The following SDK1 variants were observed in gnomAD, a reference collection of about 807,000 sequenced individuals.
SDK1 encodes the protein sidekick cell adhesion molecule 1, also known as protein sidekick-1.
SDK1 carries 157 observed loss-of-function variants against 245.5 expected under a neutral mutation model. The ratio of observed to expected loss-of-function variants is 0.64; its 90% CI spans 0.56 to 0.73. The LOEUF (loss-of-function observed/expected upper bound fraction) is 0.73, where lower values mean the gene tolerates loss of function less well. SDK1 is among the 30% of genes least tolerant of loss of function. The probability of loss-of-function intolerance (pLI) is 0.00; values close to 1 mark genes in which losing one functional copy is unlikely to be tolerated. For synonymous variants in SDK1, 1,647 were observed against 1,278.5 expected (o/e 1.29, Z -6.15); for missense variants, 3,583 against 3,002.3 (o/e 1.19, Z -4.52).
chr7:4,031,219 A>C (rs1222162415), intron 17 of SDK1, among the ~76,000 whole-genome samples: 1 of 152,194 alleles, frequency 6.6e-6, no homozygotes. Flanking sequence ...TCACACATAC[A>C]CATATGCATG....
intron 1 of SDK1, among the ~76,000 whole-genome samples, chr7:3,437,098 G>A (rs1780051034): frequency 6.6e-6 from 1 of 152,104 alleles, no homozygotes; most frequent in South Asian, 2.1e-4. Flanking sequence ...GACACTAAAA[G>A]ACGATTAATA....
chr7:4,056,419 A>C (rs1234228034), intron 19 of SDK1, among the ~76,000 whole-genome samples: 1 of 152,160 alleles, frequency 6.6e-6, no homozygotes, highest in Non-Finnish European at 1.5e-5. Context: ...GCAAGTAGGT[A>C]ACCACACTTC....
intron 28 of SDK1, among the ~76,000 whole-genome samples, chr7:4,142,890 G>A (rs1779670922): frequency 6.6e-6 from 1 of 152,224 alleles, no homozygotes; most frequent in South Asian, 2.1e-4. Flanking sequence ...AGGTCTCCAA[G>A]ATGAACATCG....
chr7:4,146,212 C>A (rs1475340820), intron 29 of SDK1, among the ~76,000 whole-genome samples: 2 of 151,062 alleles, frequency 1.3e-5, no homozygotes, highest in African/African-American at 4.9e-5. Context: ...GCATTCACAC[C>A]TTCTGCCTCA....
At chr7:4,237,035 T>C (rs1043498767) in intron 41 of SDK1, among the ~76,000 whole-genome samples, 6 of 151,796 alleles carry the variant, frequency 4.0e-5, no homozygotes, top group African/African-American at 1.5e-4. Context: ...GCCTCCTGAG[T>C]AGCTGGGACT....
chr7:4,192,349 C>G (rs1584410350), intron 35 of SDK1, among the ~76,000 whole-genome samples: 2 of 152,332 alleles, frequency 1.3e-5, no homozygotes, highest in South Asian at 2.1e-4. Flanking sequence ...TATCTTGGCT[C>G]ACTGCAAGCT....
chr7:3,959,096 A>G, intron 8 of SDK1, 82 bp downstream of exon 8: 1 of 1,059,100 alleles, frequency 9.4e-7, no homozygotes, highest in Non-Finnish European at 1.5e-6. Context: ...AATTGCCATC[A>G]TTCTAGGGAG....
chr7:4,202,475 T>C (rs1453774932), intron 35 of SDK1, among the ~76,000 whole-genome samples: 1 of 152,196 alleles, frequency 6.6e-6, no homozygotes, highest in Non-Finnish European at 1.5e-5. Context: ...TTCCAGGCCA[T>C]GTGACTCTCC....
rs180978923 is a variant in SDK1, at chr7:3,998,719, T to A, written c.2131+11397T>A. On this transcript the variant is annotated intron_variant, in intron 14 of 44. Coordinates refer to ENST00000404826, the MANE Select transcript of SDK1 (RefSeq NM_152744.4). ...CTGTTTTCTATGAATTAGGAGTTAATCCCATATCTTCATGTTTTCTAACAA... is the reference window on the plus strand; with the variant it reads ...CTGTTTTCTATGAATTAGGAGTTAAACCCATATCTTCATGTTTTCTAACAA... Among the ~76,000 whole-genome samples, 614 of 152,322 alleles carry A rather than the reference T, an allele frequency of 4.0e-3. 13 individuals are homozygous for A. The highest frequency in any genetic ancestry group is 0.037 in the Admixed American group (560 of 15,304).
chr7:3,736,316 CAG>C (rs1415533863), intron 4 of SDK1, among the ~76,000 whole-genome samples: 1 of 152,114 alleles, frequency 6.6e-6, no homozygotes, highest in Non-Finnish European at 1.5e-5. Context: ...TTTTGTGAGA[CAG>C]AGTCTTGCTC....
chr7:4,174,671 G>A (rs528992284), intron 33 of SDK1, among the ~76,000 whole-genome samples: 1 of 152,280 alleles, frequency 6.6e-6, no homozygotes, highest in African/African-American at 2.4e-5. Context: ...GACCTGAGAT[G>A]GAGGCAGGGG....
Position 4,114,953 on chromosome 7 carries a change from A to G in SDK1, c.3823+679A>G, listed in dbSNP as rs75460237. Reference sequence around the variant, plus strand: ...GGGCTCTGCCAGTTGCCAGGAAGCAATGGAGCAGTGTTTTTGGCCAACCTT... The same window carrying G: ...GGGCTCTGCCAGTTGCCAGGAAGCAGTGGAGCAGTGTTTTTGGCCAACCTT... On this transcript the variant is annotated intron_variant, in intron 25 of 44. Transcript: ENST00000404826. 5.2e-3 allele frequency among the ~76,000 whole-genome samples: 795 copies of G among 152,290 alleles called. 7 individuals are homozygous for G. Among genetic ancestry groups the G allele is most frequent in the African/African-American group, 0.017 (694 of 41,570 alleles).
At chr7:3,370,897 C>T (rs1178583816) in intron 1 of SDK1, among the ~76,000 whole-genome samples, 1 of 152,168 alleles carries the variant, frequency 6.6e-6, no homozygotes, top group African/African-American at 2.4e-5. Context: ...CCTCCTCTGT[C>T]TCCACTAGCT....
chr7:4,235,067 G>T (rs1188871673), intron 41 of SDK1, among the ~76,000 whole-genome samples: 1 of 152,196 alleles, frequency 6.6e-6, no homozygotes, highest in African/African-American at 2.4e-5. Flanking sequence ...GTCTGTGGGT[G>T]AGCGTGGGCC....
chr7:4,051,937 G>A lies in SDK1; in HGVS notation c.2911+107G>A, dbSNP rs184988705. The A allele has an allele frequency of 1.1e-3, 1,137 of 1,029,914 alleles. 1 individual carries two copies. The highest frequency in any genetic ancestry group is 2.2e-3 in the Middle Eastern group (8 of 3,660). The allele number at this position is 1,029,914 out of a possible 1,614,324, so 63.8% of individuals were successfully genotyped here. A position where few individuals can be genotyped will look rare whatever the true frequency, so the allele number is the denominator to read the frequency against. ...CAGAGGTGGATCACGAGGAGGCCCCGGATTTTTGGAGTGCTTGCAGTCAGC... is the reference window on the plus strand; with the variant it reads ...CAGAGGTGGATCACGAGGAGGCCCCAGATTTTTGGAGTGCTTGCAGTCAGC... On this transcript the variant is annotated intron_variant, in intron 19 of 44. Coordinates refer to ENST00000404826, the MANE Select transcript of SDK1 (RefSeq NM_152744.4).
At chr7:3,672,759 T>TTATATATATATATATA (rs60760676) in intron 4 of SDK1, among the ~76,000 whole-genome samples, 26 of 50,726 alleles carry the variant, frequency 5.1e-4, no homozygotes, top group African/African-American at 1.2e-3. Context: ...ATATATAATT[T>TTATATATATATATATA]TATATATATA....
intron 1 of SDK1, among the ~76,000 whole-genome samples, chr7:3,392,106 A>C (rs959478799): frequency 6.6e-6 from 1 of 152,024 alleles, no homozygotes; most frequent in South Asian, 2.1e-4. Flanking sequence ...GATGCCCATC[A>C]TGTCCACATT....
At chr7:3,658,832 G>C (rs574270856) in intron 4 of SDK1, among the ~76,000 whole-genome samples, 8 of 152,186 alleles carry the variant, frequency 5.3e-5, no homozygotes, top group African/African-American at 1.9e-4. Flanking sequence ...TGGCCAGGCT[G>C]GTCTCAAATT....
intron 20 of SDK1, among the ~76,000 whole-genome samples, chr7:4,074,916 A>ATTTTTTTTTTTTT (rs55899344): frequency 3.1e-5 from 2 of 64,600 alleles, no homozygotes; most frequent in Non-Finnish European, 5.0e-5. Context: ...ATATATATAT[A>ATTTTTTTTTTTTT]TTTTTTTTTT....
Sources: allele counts gnomAD v4.1 joint callset (sites outside exome capture counted in the v4.1 genomes callset), GRCh38; gene constraint gnomAD v4.1.1; transcripts MANE v1.5; gene names NCBI Gene and HGNC (gene_info 2026-07-23, HGNC 2026-07-21).